Variants in TMPRSS7 observed in about 807,000 individuals in gnomAD.
TMPRSS7 encodes the protein transmembrane serine protease 7.
A neutral mutation model predicts 95.6 loss-of-function variants in TMPRSS7; 81 were observed. The ratio of observed to expected loss-of-function variants is 0.85; its 90% CI spans 0.71 to 1.02. TMPRSS7 has a LOEUF of 1.02. Among genes scored for constraint, TMPRSS7 ranks in the 50% least tolerant of loss-of-function variants. The probability of loss-of-function intolerance (pLI) is 0.00; values close to 1 mark genes in which losing one functional copy is unlikely to be tolerated. For missense variants in TMPRSS7, 945 were observed against 955.2 expected, an observed-to-expected ratio of 0.99 and a Z score of 0.14; for synonymous variants, 364 against 337.8, an observed-to-expected ratio of 1.08 and a Z score of -0.85.
intron 17 of TMPRSS7, 34 bp downstream of exon 17, chr3:112,078,912 T>C: frequency 6.2e-7 from 1 of 1,606,144 alleles, no homozygotes; most frequent in Non-Finnish European, 8.5e-7. Flanking sequence ...GCCTAACATG[T>C]TGTGCTTTCC....
chr3:112,039,981 A>G (rs1051263050), intron 2 of TMPRSS7, among the ~76,000 whole-genome samples: 6 of 152,114 alleles, frequency 3.9e-5, no homozygotes. Context: ...GAATTGAATC[A>G]TTGGACATCC....
rs1239505670 is a variant in TMPRSS7, at chr3:112,074,512, G to T, written c.1783+100G>T. 3.4e-6 allele frequency: 3 copies of T among 875,720 alleles called. No homozygotes were observed. In the Admixed American group the frequency reaches 7.8e-5, roughly 23 times the overall value. 54.2% of individuals were successfully genotyped at this position (875,720 alleles called of 1,614,324 possible). ...TCTTGGTGTATTTCCCTTGATCGAG[G>T]TTGCCATAGCCAAAACAAGAATAGT... is the stretch of plus-strand genomic sequence containing the variant. On this transcript the variant is annotated intron_variant, in intron 14 of 17. Transcript: ENST00000452346.
At chr3:112,034,875 C>T (rs141846709) in exon 1 of TMPRSS7, 308 of 702,876 alleles carry the variant, frequency 4.4e-4, no homozygotes, top group African/African-American at 3.7e-3. Context: ...ATGTTTCAGC[C>T]GCACCTGCTG....
At position 112,074,279 on chromosome 3, in the gene TMPRSS7, C is replaced by T; in HGVS notation, c.1667-17C>T. On this transcript the variant is annotated splice_polypyrimidine_tract_variant and intron_variant, in intron 13 of 17. Transcript: ENST00000452346. Reference sequence around the variant, plus strand: ...TTCTGGCTAAGGAAAGCTGTTTCTTCTTTTGTCCATTGTTAGGTATTCCAT... The same window carrying T: ...TTCTGGCTAAGGAAAGCTGTTTCTTTTTTTGTCCATTGTTAGGTATTCCAT... 6.4e-7 allele frequency: 1 copy of T among 1,572,114 alleles called. No individual in the cohort carries two copies. The highest frequency in any genetic ancestry group is 8.7e-7 in the Non-Finnish European group (1 of 1,143,462).
intron 9 of TMPRSS7, among the ~76,000 whole-genome samples, chr3:112,055,305 A>C (rs2073418655): frequency 6.6e-6 from 1 of 152,104 alleles, no homozygotes; most frequent in Non-Finnish European, 1.5e-5. Context: ...ACTTCTGTGC[A>C]ATGGGATTCA....
intron 2 of TMPRSS7, among the ~76,000 whole-genome samples, chr3:112,039,255 G>A (rs2073181855): frequency 6.6e-6 from 1 of 152,202 alleles, no homozygotes; most frequent in Admixed American, 6.5e-5. Flanking sequence ...CATGCACCAT[G>A]ATATAATGTG....
At chr3:112,071,217 C>G (rs1373423719) in intron 13 of TMPRSS7, among the ~76,000 whole-genome samples, 1 of 152,172 alleles carries the variant, frequency 6.6e-6, no homozygotes, top group Non-Finnish European at 1.5e-5. Flanking sequence ...CTTAGTTTGG[C>G]TGGATATGAA....
chr3:112,062,820 A>G (rs55968036), intron 11 of TMPRSS7, among the ~76,000 whole-genome samples: 4 of 152,076 alleles, frequency 2.6e-5, no homozygotes, highest in African/African-American at 9.7e-5. Context: ...TTCTTTTGCA[A>G]AAGGGGAGGA....
intron 10 of TMPRSS7, among the ~76,000 whole-genome samples, chr3:112,059,660 C>T (rs1251379080): frequency 6.6e-6 from 1 of 152,194 alleles, no homozygotes; most frequent in Non-Finnish European, 1.5e-5. Context: ...CCTCTCAGAC[C>T]CTGGCTCCCA....
exon 15 of TMPRSS7, chr3:112,075,333 G>T: frequency 2.8e-6 from 4 of 1,416,562 alleles, no homozygotes; most frequent in Non-Finnish European, 3.7e-6. Flanking sequence ...TGCAGCAGGA[G>T]TTCCTCCGCC....
chr3:112,074,148 C>T (rs1256622075), intron 13 of TMPRSS7, 148 bp from the exon 14 acceptor site: 1 of 579,666 alleles, frequency 1.7e-6, no homozygotes, highest in African/African-American at 1.9e-5. Flanking sequence ...GGTTGCTTCT[C>T]TTCTCTCTGC....
intron 10 of TMPRSS7, among the ~76,000 whole-genome samples, chr3:112,059,045 A>G (rs527657934): frequency 6.6e-6 from 1 of 152,314 alleles, no homozygotes; most frequent in East Asian, 1.9e-4. Flanking sequence ...TATAATGGGG[A>G]AGGAGGAAAA....
At chr3:112,074,950 A>C (rs1479021793) in intron 14 of TMPRSS7, among the ~76,000 whole-genome samples, 1 of 152,242 alleles carries the variant, frequency 6.6e-6, no homozygotes, top group African/African-American at 2.4e-5. Flanking sequence ...CAGGTCTTAT[A>C]AATCTTTTCC....
At chr3:112,040,232 G>A (rs770680450) in intron 2 of TMPRSS7, among the ~76,000 whole-genome samples, 5 of 152,206 alleles carry the variant, frequency 3.3e-5, no homozygotes, top group Non-Finnish European at 5.9e-5. Context: ...TTGGCAGAAT[G>A]TAGGGCATCA....
At position 112,073,841 on chromosome 3, in the gene TMPRSS7, T is replaced by C. The variant is rs2073681199; in HGVS notation, c.1667-455T>C. 5.9e-5 allele frequency among the ~76,000 whole-genome samples: 9 copies of C among 152,218 alleles called. 1 individual carries two copies. Among genetic ancestry groups the C allele is most frequent in the Admixed American group, 5.9e-4 (9 of 15,290 alleles). Reference sequence around the variant, plus strand: ...AATGGAACACGTTCCACTCTCACCCTTGAAGAAACAAACCTCCAAGGTTGT... The same window carrying C: ...AATGGAACACGTTCCACTCTCACCCCTGAAGAAACAAACCTCCAAGGTTGT... On this transcript the variant is annotated intron_variant, in intron 13 of 17. Transcript: ENST00000452346.
chr3:112,038,051 T>C (rs916349145), intron 1 of TMPRSS7, 21 bp from the exon 2 acceptor site: 4 of 701,164 alleles, frequency 5.7e-6, no homozygotes, highest in East Asian at 2.7e-5. Context: ...TGGTAACATA[T>C]CTTATTTCTT....
chr3:112,047,080 C>T, intron 6 of TMPRSS7, 68 bp downstream of exon 6: 1 of 694,840 alleles, frequency 1.4e-6, no homozygotes, highest in Non-Finnish European at 2.6e-6. Context: ...TTTTCATTTT[C>T]TAATTGATGG....
intron 14 of TMPRSS7, among the ~76,000 whole-genome samples, chr3:112,074,941 AG>A (rs2073693835): frequency 6.6e-6 from 1 of 152,236 alleles, no homozygotes; most frequent in Admixed American, 6.5e-5. Flanking sequence ...TCATTTGTCC[AG>A]GTCTTATAAA....
Position 112,076,978 on chromosome 3 carries a change from TAA to T in TMPRSS7, c.2059_2060del (p.Asn687GlnfsTer5), listed in dbSNP as rs1258878590. The T allele has an allele frequency of 5.6e-6, 9 of 1,614,100 alleles. No homozygotes were observed. The highest frequency in any genetic ancestry group is 7.6e-6 in the Non-Finnish European group (9 of 1,180,048). ...GAAGAATTGTGGTCCACGAGTACTA[TAA>T]CAGTCAGACTTTTGATTATGATATT... is the stretch of plus-strand genomic sequence containing the variant. On this transcript the variant is annotated frameshift_variant, in exon 16 of 18. Coordinates refer to ENST00000452346, the Ensembl canonical transcript of TMPRSS7. LOFTEE classifies it high-confidence loss of function.
Sources: gnomAD v4.1 joint callset for allele counts (sites outside exome capture counted in the v4.1 genomes callset) on GRCh38, gnomAD v4.1.1 for gene constraint, MANE v1.5 for transcripts, NCBI Gene and HGNC (gene_info 2026-07-23, HGNC 2026-07-21) for gene names.